Variants in ASTN2 observed in about 807,000 individuals in gnomAD.
ASTN2 encodes the protein astrotactin 2, also known as astrotactin-2.
A neutral mutation model predicts 139.8 loss-of-function variants in ASTN2; 54 were observed. That is an observed-to-expected ratio of 0.39 (90% confidence interval 0.31 to 0.48). ASTN2 has a LOEUF of 0.48. ASTN2 is among the 20% of genes least tolerant of loss of function. The pLI is 0.95. For synonymous variants in ASTN2, 756 were observed against 719.5 expected (o/e 1.05, Z -0.81); for missense variants, 1,565 against 1,725.1 (o/e 0.91, Z 1.64).
chr9:116,563,097 T>A (rs1025959246), intron 19 of ASTN2, among the ~76,000 whole-genome samples: 1 of 152,040 alleles, frequency 6.6e-6, no homozygotes, highest in African/African-American at 2.4e-5. Context: ...CCAGCCAGGC[T>A]GGGTGCGGTG....
chr9:117,136,869 T>C (rs1022629333), intron 4 of ASTN2, among the ~76,000 whole-genome samples: 3 of 152,166 alleles, frequency 2.0e-5, no homozygotes, highest in African/African-American at 4.8e-5. Context: ...CCACATGTGA[T>C]GTTGGTATTA....
At chr9:117,188,077 C>A (rs1831248482) in intron 3 of ASTN2, among the ~76,000 whole-genome samples, 1 of 151,756 alleles carries the variant, frequency 6.6e-6, no homozygotes, top group South Asian at 2.1e-4. Context: ...GCATCCCTGG[C>A]CTAACCCCTC....
chr9:117,245,994 T>A (rs561246421), intron 2 of ASTN2, among the ~76,000 whole-genome samples: 5 of 152,178 alleles, frequency 3.3e-5, no homozygotes, highest in Admixed American at 6.5e-5. Context: ...AGCTTCATGA[T>A]GACAAAGACC....
chr9:117,128,454 G>A (rs543584403), intron 4 of ASTN2, among the ~76,000 whole-genome samples: 102 of 69,660 alleles, frequency 1.5e-3, no homozygotes, highest in African/African-American at 3.2e-3. Context: ...TTATGACAGC[G>A]ATGTTATCTA....
At chr9:116,851,945 C>T (rs1261297011) in intron 11 of ASTN2, among the ~76,000 whole-genome samples, 2 of 152,076 alleles carry the variant, frequency 1.3e-5, no homozygotes, top group African/African-American at 2.4e-5. Flanking sequence ...AAGGGAGATG[C>T]CCCAGAGAGA....
chr9:116,705,847 G>A (rs1039796073), intron 16 of ASTN2, among the ~76,000 whole-genome samples: 26 of 152,120 alleles, frequency 1.7e-4, no homozygotes, highest in Admixed American at 1.6e-3. Flanking sequence ...AAAAGTAAAG[G>A]GAATATCGTG....
chr9:116,486,563 A>C (rs1849344816), intron 20 of ASTN2, among the ~76,000 whole-genome samples: 1 of 152,238 alleles, frequency 6.6e-6, no homozygotes, highest in Non-Finnish European at 1.5e-5. Context: ...TAACTGGTGA[A>C]TAAAGCTCAA....
chr9:117,264,871 G>A (rs1290573779), intron 2 of ASTN2, among the ~76,000 whole-genome samples: 2 of 152,198 alleles, frequency 1.3e-5, no homozygotes, highest in Admixed American at 1.3e-4. Context: ...CACACATAGT[G>A]GAGGAATGAA....
At chr9:116,739,283 A>G (rs1829030824) in intron 13 of ASTN2, among the ~76,000 whole-genome samples, 1 of 152,136 alleles carries the variant, frequency 6.6e-6, no homozygotes, top group Non-Finnish European at 1.5e-5. Context: ...ACCAGGAGAG[A>G]ATCAATGTTG....
intron 16 of ASTN2, chr9:116,700,942 G>A (rs1861140413): frequency 6.0e-6 from 1 of 167,028 alleles, no homozygotes; most frequent in African/African-American, 2.4e-5. Context: ...AAATACATGT[G>A]TACAGAATCA....
intron 6 of ASTN2, among the ~76,000 whole-genome samples, chr9:117,032,445 G>A (rs1353183549): frequency 6.6e-6 from 1 of 152,136 alleles, no homozygotes; most frequent in Non-Finnish European, 1.5e-5. Context: ...TCAACATGGA[G>A]CATTTTAAAA....
intron 10 of ASTN2, among the ~76,000 whole-genome samples, chr9:116,932,538 C>T (rs2132453489): frequency 6.6e-6 from 1 of 152,276 alleles, no homozygotes; most frequent in Non-Finnish European, 1.5e-5. Flanking sequence ...GCTCTTCCCC[C>T]TGCTTCCATC....
At chr9:116,976,806 GATT>G in intron 7 of ASTN2, 21 bp from the exon 8 acceptor site, 1 of 1,610,440 alleles carries the variant, frequency 6.2e-7, no homozygotes, top group Non-Finnish European at 8.5e-7. Context: ...AAAGAAAAAA[GATT>G]ATTGTTAAGT....
In ASTN2 at chr9:117,024,143, T is replaced by C. The variant is rs149048616; in HGVS notation, c.1423+15676A>G. On this transcript the variant is annotated intron_variant, in intron 6 of 22. Transcript: ENST00000313400. Reference sequence around the variant, plus strand: ...ATCTGTCCAAGCCCAACTTACCCTTTTATGCTCATCTCAGCTTCTACCTTC... The same window carrying C: ...ATCTGTCCAAGCCCAACTTACCCTTCTATGCTCATCTCAGCTTCTACCTTC... 1.6e-3 allele frequency among the ~76,000 whole-genome samples: 251 copies of C among 152,256 alleles called. 1 individual carries two copies. The highest frequency in any genetic ancestry group is 2.9e-3 in the Non-Finnish European group (197 of 67,996).
At chr9:116,546,512 A>G (rs1304522246) in intron 19 of ASTN2, 1 of 152,172 alleles carries the variant, frequency 6.6e-6, no homozygotes, top group African/African-American at 2.4e-5. Context: ...TAATGTATTG[A>G]GTTAAGAGAT....
intron 4 of ASTN2, among the ~76,000 whole-genome samples, chr9:117,117,368 G>GA (rs36042622): frequency 0.052 from 3,456 of 66,830 alleles, 120 homozygotes; most frequent in African/African-American, 0.13. Context: ...GCAAAGTGGA[G>GA]AAAAAAAAAA....
intron 4 of ASTN2, among the ~76,000 whole-genome samples, chr9:117,128,856 G>T (rs1047022478): frequency 3.3e-5 from 5 of 152,232 alleles, no homozygotes; most frequent in African/African-American, 1.2e-4. Context: ...ATGGATGGCA[G>T]CAGGCAAAGA....
chr9:116,792,621 C>T (rs747778727), intron 13 of ASTN2, among the ~76,000 whole-genome samples: 15 of 152,094 alleles, frequency 9.9e-5, no homozygotes, highest in South Asian at 6.2e-4. Context: ...CATTATGCAC[C>T]GGGGGCCTAT....
At position 116,870,150 on chromosome 9, in the gene ASTN2, T is replaced by G. The variant is rs1428354178; in HGVS notation, c.1890-6417A>C. Among the ~76,000 whole-genome samples the G allele has an allele frequency of 2.0e-5, 3 of 152,006 alleles. No homozygotes were observed. In the East Asian group the frequency reaches 5.8e-4, roughly 29 times the overall value. ...CTCAAAAAAAATAAAAAATAAAAAA[T>G]ACTGTATTTACAGAAAGACACAGCC... On this transcript the variant is annotated intron_variant, in intron 10 of 22. Transcript: ENST00000313400.
Sources: allele counts gnomAD v4.1 joint callset (sites outside exome capture counted in the v4.1 genomes callset), GRCh38; gene constraint gnomAD v4.1.1; transcripts MANE v1.5; gene names NCBI Gene and HGNC (gene_info 2026-07-23, HGNC 2026-07-21).